Variants in OXR1 observed in about 807,000 individuals in gnomAD.
The protein encoded by OXR1 is oxidation resistance protein 1.
Under a neutral mutation model 104.6 loss-of-function variants are expected in OXR1, and 41 were observed. The observed-to-expected ratio is 0.39, with a 90% CI of 0.31 to 0.51. OXR1 has a LOEUF of 0.51. OXR1 is among the 20% of genes least tolerant of loss of function. OXR1 has a pLI of 0.77. For missense variants in OXR1, 955 were observed against 1,031.9 expected (o/e 0.93, Z 1.02); for synonymous variants, 348 against 348.4 (o/e 1.00, Z 0.01).
At chr8:106,726,320 G>A (rs935911991) in intron 11 of OXR1, 75 of 1,408,142 alleles carry the variant, frequency 5.3e-5, no homozygotes, top group Non-Finnish European at 7.0e-5. Context: ...GTAAATCTTA[G>A]TCAATTATTT....
At chr8:106,749,260 G>A (rs28924697) in intron 16 of OXR1, among the ~76,000 whole-genome samples, 3,802 of 151,330 alleles carry the variant, frequency 0.025, 50 homozygotes, top group East Asian at 0.039. Context: ...GGAGAATGGC[G>A]TGAACCCAGG....
chr8:106,277,356 C>G (rs1311932221), intron 1 of OXR1, among the ~76,000 whole-genome samples: 1 of 152,130 alleles, frequency 6.6e-6, no homozygotes, highest in Non-Finnish European at 1.5e-5. Flanking sequence ...GGTTATGATT[C>G]CTGTGATGAT....
Position 106,747,083 on chromosome 8 carries a change from T to G in OXR1, c.2486+1221T>G, listed in dbSNP as rs1420271791. Among the ~76,000 whole-genome samples, 5 of 152,136 alleles carry G rather than the reference T, an allele frequency of 3.3e-5. No individual in the cohort carries two copies. The East Asian group carries it at 7.7e-4, about 23-fold the overall frequency. On this transcript the variant is annotated intron_variant, in intron 16 of 16. Coordinates refer to ENST00000517566, the MANE Select transcript of OXR1 (RefSeq NM_001198533.2). ...TTCAGAAAGCAGAAACTACAGGGAGTTGATATTCCAGAATTCCAAGGGAAA... is the reference window on the plus strand; with the variant it reads ...TTCAGAAAGCAGAAACTACAGGGAGGTGATATTCCAGAATTCCAAGGGAAA...
intron 1 of OXR1, among the ~76,000 whole-genome samples, chr8:106,287,329 G>T (rs980530709): frequency 2.6e-5 from 4 of 152,082 alleles, no homozygotes; most frequent in South Asian, 2.1e-4. Context: ...TTGTCCTGTG[G>T]ATAATAATTT....
At chr8:106,553,512 G>T (rs1816034306) in intron 3 of OXR1, among the ~76,000 whole-genome samples, 1 of 151,830 alleles carries the variant, frequency 6.6e-6, no homozygotes, top group Non-Finnish European at 1.5e-5. Context: ...TAGAGACCAG[G>T]TTTTGCCATG....
chr8:106,501,789 A>G (rs186680605), intron 2 of OXR1, among the ~76,000 whole-genome samples: 163 of 152,244 alleles, frequency 1.1e-3, no homozygotes, highest in African/African-American at 3.2e-3. Context: ...TTTTCTCCAC[A>G]TGGAGGTTAT....
intron 2 of OXR1, among the ~76,000 whole-genome samples, chr8:106,404,591 A>G (rs928512558): frequency 1.3e-5 from 2 of 151,176 alleles, no homozygotes; most frequent in Non-Finnish European, 2.9e-5. Flanking sequence ...CTCTTAGCTC[A>G]TTCTTTTTTT....
At chr8:106,664,072 T>A (rs552186869) in intron 3 of OXR1, among the ~76,000 whole-genome samples, 53 of 152,338 alleles carry the variant, frequency 3.5e-4, no homozygotes, top group Admixed American at 7.2e-4. Context: ...ATCGGCAACC[T>A]CAGTGGGCTC....
At chr8:106,430,100 A>G (rs1328246112) in intron 2 of OXR1, among the ~76,000 whole-genome samples, 1 of 152,026 alleles carries the variant, frequency 6.6e-6, no homozygotes, top group Non-Finnish European at 1.5e-5. Flanking sequence ...TGGTATCTTT[A>G]TTTCTCTTTA....
At chr8:106,380,960 A>G (rs1004748275) in intron 2 of OXR1, among the ~76,000 whole-genome samples, 1 of 152,210 alleles carries the variant, frequency 6.6e-6, no homozygotes, top group African/African-American at 2.4e-5. Flanking sequence ...AGATAAAAAT[A>G]TTAATTTTCT....
intron 3 of OXR1, among the ~76,000 whole-genome samples, chr8:106,621,534 G>C (rs756662820): frequency 2.1e-4 from 31 of 150,954 alleles, no homozygotes; most frequent in Non-Finnish European, 4.3e-4. Flanking sequence ...AAAAAAACTT[G>C]TTATTTTTGC....
chr8:106,627,956 A>G (rs1822313535), intron 3 of OXR1, among the ~76,000 whole-genome samples: 1 of 152,194 alleles, frequency 6.6e-6, no homozygotes, highest in South Asian at 2.1e-4. Context: ...GATTTACTAC[A>G]TAGAATTCCT....
intron 3 of OXR1, among the ~76,000 whole-genome samples, chr8:106,602,719 T>C (rs1820066363): frequency 6.6e-6 from 1 of 152,300 alleles, no homozygotes; most frequent in African/African-American, 2.4e-5. Context: ...TTACATATGA[T>C]TATGTGTTTA....
intron 2 of OXR1, among the ~76,000 whole-genome samples, chr8:106,373,214 GT>G (rs1338131459): frequency 6.6e-6 from 1 of 152,100 alleles, no homozygotes; most frequent in African/African-American, 2.4e-5. Context: ...GGTATCCTTG[GT>G]AGGACCTGGA....
chr8:106,701,466 T>C (rs889850057), intron 7 of OXR1, among the ~76,000 whole-genome samples: 1 of 152,218 alleles, frequency 6.6e-6, no homozygotes, highest in Non-Finnish European at 1.5e-5. Context: ...GAGCTGAATA[T>C]GGACTTGGGA....
intron 1 of OXR1, among the ~76,000 whole-genome samples, chr8:106,335,346 C>T (rs533930492): frequency 2.7e-4 from 41 of 152,210 alleles, no homozygotes; most frequent in South Asian, 2.1e-4. Context: ...TCACCTTGCC[C>T]GCTGAGTTTC....
At position 106,653,084 on chromosome 8, in the gene OXR1, AT is replaced by A. The variant is rs1193491069; in HGVS notation, c.221-26125del. Reference sequence around the variant, plus strand: ...CAAGGAGAAATAGAAAAAAAAAAAAATATATATATATATATGGTAAATGATT... The same window carrying A: ...CAAGGAGAAATAGAAAAAAAAAAAAAATATATATATATATGGTAAATGATT... On this transcript the variant is annotated intron_variant, in intron 3 of 16. Coordinates refer to ENST00000517566, the MANE Select transcript of OXR1 (RefSeq NM_001198533.2). 7.0e-3 allele frequency among the ~76,000 whole-genome samples: 443 copies of A among 63,714 alleles called. 3 individuals are homozygous for A. The East Asian group carries it at 0.077, about 11-fold the overall frequency. 41.8% of individuals were successfully genotyped at this position (63,714 alleles called of 152,430 possible). A position where few individuals can be genotyped will look rare whatever the true frequency, so the allele number is the denominator to read the frequency against.
At chr8:106,574,190 T>C (rs1310552435) in intron 3 of OXR1, among the ~76,000 whole-genome samples, 1 of 152,050 alleles carries the variant, frequency 6.6e-6, no homozygotes, top group South Asian at 2.1e-4. Context: ...GGATACTAAT[T>C]TGCTCCTATA....
chr8:106,365,475 G>A (rs1017825243), intron 2 of OXR1, among the ~76,000 whole-genome samples: 2 of 151,162 alleles, frequency 1.3e-5, no homozygotes, highest in African/African-American at 4.9e-5. Context: ...AGCTCAAGAG[G>A]AATGAAAAAT....
Sources: allele counts gnomAD v4.1 joint callset (sites outside exome capture counted in the v4.1 genomes callset), GRCh38; gene constraint gnomAD v4.1.1; transcripts MANE v1.5; gene names NCBI Gene and HGNC (gene_info 2026-07-23, HGNC 2026-07-21).